Variants in INTS4 observed in about 807,000 individuals in gnomAD.
INTS4 encodes the protein integrator complex subunit 4.
INTS4 carries 70 observed loss-of-function variants against 119.5 expected under a neutral mutation model. That is an observed-to-expected ratio of 0.59 (90% CI 0.48 to 0.71). The LOEUF is 0.71. Ranked by LOEUF, INTS4 falls within the 30% of genes least tolerant of loss-of-function variation. INTS4 has a pLI of 0.00. For missense variants in INTS4, 867 were observed against 1,173.2 expected (o/e 0.74, Z 3.81); for synonymous variants, 316 against 419.6 (o/e 0.75, Z 3.02).
chr11:77,986,512 A>G (rs1856462655), intron 2 of INTS4, among the ~76,000 whole-genome samples: 1 of 152,246 alleles, frequency 6.6e-6, no homozygotes, highest in African/African-American at 2.4e-5. Context: ...ATTATAAATC[A>G]TGCTACTATA....
Position 77,971,637 on chromosome 11 carries a change from C to T in INTS4, c.471+7359G>A, listed in dbSNP as rs144443113. ...CAGCCTGGATGACAAAGTGAGACTC[C>T]GACTCAAAAAAACAAAAAAAACAAA... On this transcript the variant is annotated intron_variant, in intron 4 of 22. Transcript: ENST00000534064. Among the ~76,000 whole-genome samples the T allele has an allele frequency of 3.4e-3, 517 of 151,528 alleles. 4 individuals are homozygous for T. Among genetic ancestry groups the T allele is most frequent in the African/African-American group, 0.011 (473 of 41,300 alleles).
rs544304249 is a variant in INTS4 at position 77,911,117 on chromosome 11, T to C, written c.1923-3307A>G. 1.7e-4 allele frequency: 218 copies of C among 1,271,574 alleles called. No individual in the cohort carries two copies. The African/African-American group carries it at 3.3e-3, about 19-fold the overall frequency. The allele number at this position is 1,271,574 out of a possible 1,614,324, so 78.8% of individuals were successfully genotyped here. On this transcript the variant is annotated intron_variant, in intron 15 of 22. Transcript: ENST00000534064. ...CAGGTAACGTTACGATAGTTAACGA[T>C]GCCTCCTGGGGACTTTGACATCAAG...
intron 22 of INTS4, among the ~76,000 whole-genome samples, chr11:77,879,409 G>C (rs1177006968): frequency 6.6e-6 from 1 of 152,218 alleles, no homozygotes; most frequent in Non-Finnish European, 1.5e-5. Flanking sequence ...TTCATGATCT[G>C]CTTTATGAAC....
At chr11:77,944,061 T>G (rs1376785979) in intron 8 of INTS4, among the ~76,000 whole-genome samples, 1 of 152,208 alleles carries the variant, frequency 6.6e-6, no homozygotes, top group African/African-American at 2.4e-5. Flanking sequence ...CCCATGAATC[T>G]CCTTACTGGG....
chr11:77,970,465 G>A lies in INTS4; in HGVS notation c.471+8531C>T, dbSNP rs1340251383. Among the ~76,000 whole-genome samples, 3 of 152,030 alleles carry A rather than the reference G, an allele frequency of 2.0e-5. No individual in the cohort carries two copies. The East Asian group carries it at 5.8e-4, about 29-fold the overall frequency. On this transcript the variant is annotated intron_variant, in intron 4 of 22. Coordinates refer to ENST00000534064, the MANE Select transcript of INTS4 (RefSeq NM_033547.4). ...TCAGTTTGTTGGTAGATATCTACAA[G>A]CAGAACAGCTGGGTCCTATGGTAAG... is the stretch of plus-strand genomic sequence containing the variant.
chr11:77,992,739 T>C (rs1856747480), intron 1 of INTS4, among the ~76,000 whole-genome samples: 2 of 152,196 alleles, frequency 1.3e-5, no homozygotes, highest in Non-Finnish European at 2.9e-5. Flanking sequence ...ACTTACTAGC[T>C]GGGGAAGGCC....
chr11:77,958,841 A>G lies in INTS4; in HGVS notation c.709-7T>C. On this transcript the variant is annotated splice_region_variant and splice_polypyrimidine_tract_variant and intron_variant, in intron 6 of 22. Coordinates refer to ENST00000534064, the MANE Select transcript of INTS4 (RefSeq NM_033547.4). ...CAGAGAGTAATTTACAGGCCTGCAA[A>G]GAAGAATTCCAAAAGTCTATTAGTT... The G allele has an allele frequency of 6.4e-7, 1 of 1,553,916 alleles. No individual in the cohort carries two copies. The highest frequency in any genetic ancestry group is 8.9e-7 in the Non-Finnish European group (1 of 1,128,212).
At chr11:77,928,305 G>A (rs1312341526) in intron 11 of INTS4, 37 bp downstream of exon 11, 7 of 1,605,368 alleles carry the variant, frequency 4.4e-6, no homozygotes, top group South Asian at 1.1e-5. Flanking sequence ...GGGGGGGTGA[G>A]GGATGAAGAA....
At chr11:77,929,191 A>G (rs977131956) in intron 10 of INTS4, among the ~76,000 whole-genome samples, 9 of 152,128 alleles carry the variant, frequency 5.9e-5, no homozygotes, top group African/African-American at 2.2e-4. Context: ...TTATATATAT[A>G]TATAAAGTAA....
chr11:77,878,828 C>G lies in INTS4; in HGVS notation c.*121G>C. 1.3e-6 allele frequency: 1 copy of G among 792,514 alleles called. No homozygotes were observed. Among genetic ancestry groups the G allele is most frequent in the Non-Finnish European group, 2.2e-6 (1 of 444,552 alleles). The allele number at this position is 792,514 out of a possible 1,614,324, so 49.1% of individuals were successfully genotyped here. On this transcript the variant is annotated 3_prime_UTR_variant, in exon 23 of 23. Coordinates refer to ENST00000534064, the MANE Select transcript of INTS4 (RefSeq NM_033547.4). ...ATCCTGTGTTTGATACCAGATGAGA[C>G]TGTAAGGGTCACATACTCCTTAAGC...
intron 15 of INTS4, among the ~76,000 whole-genome samples, chr11:77,916,138 C>T (rs976914891): frequency 9.2e-5 from 14 of 152,160 alleles, no homozygotes; most frequent in Non-Finnish European, 1.5e-4. Flanking sequence ...TAGTTAAAAG[C>T]CTCTTTTGTT....
intron 5 of INTS4, 38 bp downstream of exon 5, chr11:77,960,915 G>T: frequency 6.4e-7 from 1 of 1,555,698 alleles, no homozygotes; most frequent in South Asian, 1.2e-5. Context: ...AAACAAAAAT[G>T]AACACTAGCC....
intron 15 of INTS4, among the ~76,000 whole-genome samples, chr11:77,910,214 C>T (rs1281741984): frequency 3.9e-5 from 6 of 151,918 alleles, no homozygotes; most frequent in Non-Finnish European, 8.8e-5. Context: ...CAATGATAGA[C>T]TGGATTAAGA....
chr11:77,944,040 T>C (rs1953991383), intron 8 of INTS4, among the ~76,000 whole-genome samples: 1 of 152,222 alleles, frequency 6.6e-6, no homozygotes. Flanking sequence ...AGTGACTGTA[T>C]TCTAAATAGT....
intron 4 of INTS4, among the ~76,000 whole-genome samples, chr11:77,966,422 A>G (rs1168296384): frequency 2.0e-5 from 3 of 152,240 alleles, no homozygotes; most frequent in Admixed American, 2.0e-4. Context: ...TAGTAGTTTT[A>G]CAGTTTCAGG....
intron 21 of INTS4, among the ~76,000 whole-genome samples, chr11:77,886,889 T>C (rs2136374654): frequency 6.6e-6 from 1 of 152,166 alleles, no homozygotes; most frequent in Middle Eastern, 3.4e-3. Flanking sequence ...AAAGATATTC[T>C]TTGAAACCAA....
At chr11:77,979,950 C>T (rs1460228357) in intron 3 of INTS4, among the ~76,000 whole-genome samples, 1 of 147,358 alleles carries the variant, frequency 6.8e-6, no homozygotes, top group Non-Finnish European at 1.5e-5. Flanking sequence ...TGCACTCCAG[C>T]CTAGGCGACA....
intron 11 of INTS4, among the ~76,000 whole-genome samples, chr11:77,925,889 A>G (rs943360257): frequency 6.6e-6 from 1 of 152,176 alleles, no homozygotes; most frequent in African/African-American, 2.4e-5. Flanking sequence ...GTCTTCACAT[A>G]GCTAGCTTCT....
intron 8 of INTS4, among the ~76,000 whole-genome samples, chr11:77,946,038 C>T (rs1057274154): frequency 3.3e-5 from 5 of 152,254 alleles, no homozygotes; most frequent in Non-Finnish European, 5.9e-5. Flanking sequence ...CCCAGCACGA[C>T]AGCCACCACA....
Sources: allele counts gnomAD v4.1 joint callset (sites outside exome capture counted in the v4.1 genomes callset), GRCh38; gene constraint gnomAD v4.1.1; transcripts MANE v1.5; gene names NCBI Gene and HGNC (gene_info 2026-07-23, HGNC 2026-07-21).